The following LPP variants were observed in gnomAD, a reference collection of about 807,000 sequenced individuals.
LPP encodes the protein LIM domain containing preferred translocation partner in lipoma.
LPP carries 38 observed loss-of-function variants against 60.4 expected under a neutral mutation model. The observed-to-expected ratio is 0.63, with a 90% CI of 0.49 to 0.83. The LOEUF (loss-of-function observed/expected upper bound fraction) is 0.83. LPP is among the 40% of genes least tolerant of loss of function. The pLI is 0.00. For missense variants in LPP, 902 were observed against 783.6 expected (o/e 1.15, Z -1.80); for synonymous variants, 328 against 290.8 (o/e 1.13, Z -1.30).
At chr3:188,852,563 A>G (rs1339230902) in intron 9 of LPP, among the ~76,000 whole-genome samples, 1 of 152,174 alleles carries the variant, frequency 6.6e-6, no homozygotes, top group Non-Finnish European at 1.5e-5. Context: ...TTGAGAGAGT[A>G]GGATGTTATA....
intron 2 of LPP, 33 bp downstream of exon 2, chr3:188,225,560 C>A (rs1450116452): frequency 6.6e-6 from 1 of 152,186 alleles, no homozygotes; most frequent in Admixed American, 6.5e-5. Flanking sequence ...ACACATTTGC[C>A]TTTTAAAATC....
intron 7 of LPP, among the ~76,000 whole-genome samples, chr3:188,704,165 CA>C (rs960970384): frequency 4.6e-5 from 7 of 152,108 alleles, no homozygotes; most frequent in Admixed American, 1.3e-4. Flanking sequence ...ATTTTGGGCT[CA>C]AGGTCTCCCT....
intron 3 of LPP, among the ~76,000 whole-genome samples, chr3:188,390,184 ATTG>A (rs1363542087): frequency 4.0e-5 from 6 of 151,826 alleles, no homozygotes; most frequent in Admixed American, 2.0e-4. Flanking sequence ...CAATCTTTCC[ATTG>A]TTGTGTGTGG....
At chr3:188,249,139 A>G (rs189837412) in intron 2 of LPP, among the ~76,000 whole-genome samples, 30 of 152,242 alleles carry the variant, frequency 2.0e-4, no homozygotes, top group Admixed American at 1.4e-3. Flanking sequence ...CAGATTCACA[A>G]CTGTAATCCC....
intron 5 of LPP, among the ~76,000 whole-genome samples, chr3:188,501,569 G>A (rs1189928900): frequency 6.6e-6 from 1 of 151,966 alleles, no homozygotes; most frequent in Non-Finnish European, 1.5e-5. Context: ...CTAACGCGGT[G>A]AAACCCTGTC....
chr3:188,272,849 T>C (rs994335855), intron 2 of LPP, among the ~76,000 whole-genome samples: 12 of 151,988 alleles, frequency 7.9e-5, no homozygotes, highest in African/African-American at 2.9e-4. Context: ...CTTTGGGGAG[T>C]ATGATATGTG....
At chr3:188,199,611 T>G (rs1201145131) in intron 1 of LPP, among the ~76,000 whole-genome samples, 1 of 152,168 alleles carries the variant, frequency 6.6e-6, no homozygotes, top group African/African-American at 2.4e-5. Flanking sequence ...CTTCATTGTA[T>G]ATGAATTAGC....
chr3:188,181,694 AATTT>A (rs1477269673), intron 1 of LPP, among the ~76,000 whole-genome samples: 15 of 152,218 alleles, frequency 9.9e-5, no homozygotes, highest in Non-Finnish European at 1.9e-4. Context: ...AATGTTTAAA[AATTT>A]ATTTAATTTA....
At chr3:188,502,081 T>C (rs151031087) in intron 5 of LPP, among the ~76,000 whole-genome samples, 1 of 152,320 alleles carries the variant, frequency 6.6e-6, no homozygotes, top group Non-Finnish European at 1.5e-5. Flanking sequence ...TTTATGGGCT[T>C]ATTCATGTTC....
chr3:188,490,741 TGGCAC>T (rs1808087703), intron 5 of LPP, among the ~76,000 whole-genome samples: 1 of 144,118 alleles, frequency 6.9e-6, no homozygotes, highest in Non-Finnish European at 1.5e-5. Context: ...TTAGCAAAAC[TGGCAC>T]TGGAATTTTT....
rs567790910 is a variant in LPP at position 188,662,150 on chromosome 3, T to C, written c.1114-46117T>C. Among the ~76,000 whole-genome samples the C allele has an allele frequency of 2.0e-5, 3 of 152,380 alleles. No homozygotes were observed. In the South Asian group the frequency reaches 6.2e-4, roughly 32 times the overall value. On this transcript the variant is annotated intron_variant, in intron 7 of 11. Coordinates refer to ENST00000617246, the MANE Select transcript of LPP (RefSeq NM_001375462.1). ...TATGCGACATAGTGCTTTTCTATTT[T>C]TTCCTAAACTGGAAGCTCCCTAAGG...
intron 9 of LPP, among the ~76,000 whole-genome samples, chr3:188,773,651 C>T (rs908316444): frequency 1.3e-4 from 20 of 152,072 alleles, no homozygotes; most frequent in African/African-American, 4.6e-4. Context: ...GCTCATGGGA[C>T]GTGTTAGTAA....
chr3:188,359,232 C>T (rs372401785), intron 3 of LPP, among the ~76,000 whole-genome samples: 14 of 152,286 alleles, frequency 9.2e-5, no homozygotes, highest in Non-Finnish European at 1.9e-4. Context: ...AGTTAGAGCA[C>T]GTTTGCCTAT....
chr3:188,359,241 A>G (rs1230976660), intron 3 of LPP, among the ~76,000 whole-genome samples: 4 of 152,202 alleles, frequency 2.6e-5, no homozygotes, highest in East Asian at 1.9e-4. Context: ...ACGTTTGCCT[A>G]TAGAAATTGT....
intron 4 of LPP, among the ~76,000 whole-genome samples, chr3:188,443,645 C>T (rs988434615): frequency 7.9e-5 from 12 of 152,226 alleles, no homozygotes; most frequent in Admixed American, 2.6e-4. Flanking sequence ...AGCTTCCAAA[C>T]GACTTTTGCT....
intron 2 of LPP, among the ~76,000 whole-genome samples, chr3:188,329,295 T>A (rs1235564802): frequency 3.3e-5 from 5 of 152,226 alleles, no homozygotes; most frequent in African/African-American, 1.2e-4. Flanking sequence ...TTTCTTTTGA[T>A]TTCCTGCTCC....
At chr3:188,720,156 C>T (rs776861714) in intron 8 of LPP, among the ~76,000 whole-genome samples, 3 of 152,184 alleles carry the variant, frequency 2.0e-5, no homozygotes, top group Non-Finnish European at 4.4e-5. Flanking sequence ...TGTGATCTGC[C>T]AGCCTTGGCC....
At chr3:188,344,780 A>T (rs182452366) in intron 3 of LPP, among the ~76,000 whole-genome samples, 36 of 152,318 alleles carry the variant, frequency 2.4e-4, no homozygotes, top group Non-Finnish European at 4.4e-4. Flanking sequence ...CGGTAGCGGT[A>T]GTCCCTTACC....
At chr3:188,745,514 T>C (rs1725856803) in intron 8 of LPP, among the ~76,000 whole-genome samples, 1 of 152,194 alleles carries the variant, frequency 6.6e-6, no homozygotes, top group Non-Finnish European at 1.5e-5. Context: ...TACTGCTCTG[T>C]CTGCTATGTT....
Sources: gnomAD v4.1 joint callset for allele counts (sites outside exome capture counted in the v4.1 genomes callset) on GRCh38, gnomAD v4.1.1 for gene constraint, MANE v1.5 for transcripts, NCBI Gene and HGNC (gene_info 2026-07-23, HGNC 2026-07-21) for gene names.